Variants in WWOX observed in about 807,000 individuals in gnomAD.
The protein encoded by WWOX is WW domain-containing oxidoreductase.
A neutral mutation model predicts 46.2 loss-of-function variants in WWOX; 69 were observed. That is an observed-to-expected ratio of 1.49 (90% CI 1.23 to 1.82). The LOEUF (loss-of-function observed/expected upper bound fraction) is 1.82, where lower values mean the gene tolerates loss of function less well. Ranked by LOEUF, WWOX falls within the 40% of genes most tolerant of loss-of-function variation. The pLI is 0.00. For synonymous variants in WWOX, 359 were observed against 202.6 expected (o/e 1.77, Z -6.56); for missense variants, 919 against 542.6 (o/e 1.69, Z -6.89).
intron 8 of WWOX, among the ~76,000 whole-genome samples, chr16:79,009,656 G>C (rs190416964): frequency 6.6e-6 from 1 of 152,130 alleles, no homozygotes; most frequent in African/African-American, 2.4e-5. Flanking sequence ...TCCCCATGTT[G>C]GCCAGCCTTG....
rs1597209587 is a variant in WWOX at position 78,109,659 on chromosome 16, A to G, written c.173-119A>G. The G allele has an allele frequency of 1.7e-5, 16 of 951,874 alleles. No homozygotes were observed. The East Asian group carries it at 1.8e-4, about 11-fold the overall frequency. The allele number at this position is 951,874 out of a possible 1,614,324, so 59.0% of individuals were successfully genotyped here. A position where few individuals can be genotyped will look rare whatever the true frequency, so the allele number is the denominator to read the frequency against. On this transcript the variant is annotated intron_variant, in intron 2 of 8. Transcript: ENST00000566780. The stretch of plus-strand genomic sequence containing the variant: ...GTGACGAAAGCCAGTTGATGTGACA[A>G]CTGCTGGGTGGGAGGGACAGGCTTG...
chr16:78,621,622 T>TTTTTTTTTTG (rs2046188495), intron 8 of WWOX, among the ~76,000 whole-genome samples: 1 of 121,866 alleles, frequency 8.2e-6, no homozygotes, highest in Non-Finnish European at 1.7e-5. Context: ...TTTTTTTTTT[T>TTTTTTTTTTG]GAGACAGAGT....
chr16:78,254,308 C>T (rs1056514984), intron 5 of WWOX, among the ~76,000 whole-genome samples: 6 of 151,890 alleles, frequency 4.0e-5, no homozygotes, highest in Non-Finnish European at 8.8e-5. Flanking sequence ...TAGTCTCGAA[C>T]TCCTGGGCTC....
intron 1 of WWOX, among the ~76,000 whole-genome samples, chr16:78,100,413 C>A (rs750485123): frequency 3.9e-4 from 60 of 152,220 alleles, no homozygotes; most frequent in South Asian, 1.2e-3. Context: ...CTACTATGCC[C>A]GACTAATTTT....
intron 8 of WWOX, among the ~76,000 whole-genome samples, chr16:78,841,507 T>G (rs1189400431): frequency 1.3e-5 from 2 of 152,208 alleles, no homozygotes; most frequent in East Asian, 1.9e-4. Flanking sequence ...CTAATAAGGA[T>G]GATTGTTTTA....
At chr16:78,994,980 T>C (rs2046960566) in intron 8 of WWOX, among the ~76,000 whole-genome samples, 1 of 145,240 alleles carries the variant, frequency 6.9e-6, no homozygotes, top group East Asian at 2.0e-4. Flanking sequence ...TTTTTTTTTT[T>C]TTTTTTTTGT....
chr16:78,231,516 C>A (rs534671594), intron 5 of WWOX, among the ~76,000 whole-genome samples: 2 of 152,138 alleles, frequency 1.3e-5, no homozygotes, highest in African/African-American at 4.8e-5. Flanking sequence ...TGTAGCTTTG[C>A]CTTTCCTTAG....
chr16:78,401,931 C>T (rs932602178), intron 6 of WWOX, among the ~76,000 whole-genome samples: 2 of 152,062 alleles, frequency 1.3e-5, no homozygotes, highest in African/African-American at 2.4e-5. Context: ...AACTCCTGAC[C>T]TCTAGATCCG....
intron 8 of WWOX, among the ~76,000 whole-genome samples, chr16:78,654,172 C>G (rs2047028712): frequency 6.6e-6 from 1 of 152,196 alleles, no homozygotes; most frequent in Non-Finnish European, 1.5e-5. Context: ...AGTGTGAGTT[C>G]AAATTGCCTT....
chr16:79,151,428 G>T (rs1034890861), intron 8 of WWOX, among the ~76,000 whole-genome samples: 1 of 152,182 alleles, frequency 6.6e-6, no homozygotes, highest in African/African-American at 2.4e-5. Context: ...GGTTACCCTG[G>T]ACCAGACATT....
intron 5 of WWOX, among the ~76,000 whole-genome samples, chr16:78,277,428 C>T (rs1254802030): frequency 6.6e-6 from 1 of 152,102 alleles, no homozygotes; most frequent in African/African-American, 2.4e-5. Context: ...TCCTTCTGAC[C>T]TGTGCTCCGG....
intron 8 of WWOX, among the ~76,000 whole-genome samples, chr16:78,479,630 G>A (rs1318779107): frequency 1.3e-5 from 2 of 152,150 alleles, no homozygotes; most frequent in African/African-American, 4.8e-5. Context: ...TTGCCTCCAA[G>A]GAGGAAACTG....
intron 8 of WWOX, among the ~76,000 whole-genome samples, chr16:78,932,643 G>C (rs997050419): frequency 2.0e-5 from 3 of 152,242 alleles, no homozygotes; most frequent in African/African-American, 7.2e-5. Context: ...GAAGCCTGCA[G>C]CTGCGGCCTC....
At chr16:78,156,825 G>A (rs889312039) in intron 4 of WWOX, among the ~76,000 whole-genome samples, 1 of 152,188 alleles carries the variant, frequency 6.6e-6, no homozygotes, top group African/African-American at 2.4e-5. Flanking sequence ...TGGGGAGACT[G>A]AGACACGAGA....
chr16:78,798,085 G>A (rs1334747774), intron 8 of WWOX, among the ~76,000 whole-genome samples: 3 of 152,184 alleles, frequency 2.0e-5, no homozygotes, highest in African/African-American at 7.2e-5. Flanking sequence ...GGGAAGCTGA[G>A]GTTCAGAGAG....
intron 8 of WWOX, among the ~76,000 whole-genome samples, chr16:78,546,779 G>A (rs1046514629): frequency 2.6e-5 from 4 of 152,050 alleles, no homozygotes; most frequent in South Asian, 2.1e-4. Context: ...AGTTACTGAC[G>A]TGTGTTACCA....
At chr16:79,105,151 G>A (rs114396257) in intron 8 of WWOX, among the ~76,000 whole-genome samples, 3,658 of 152,250 alleles carry the variant, frequency 0.024, 164 homozygotes, top group African/African-American at 0.083. Flanking sequence ...AGAGCCTCTC[G>A]ATGAGCTATG....
At chr16:78,125,815 G>A (rs182940450) in intron 4 of WWOX, among the ~76,000 whole-genome samples, 1 of 152,274 alleles carries the variant, frequency 6.6e-6, no homozygotes, top group African/African-American at 2.4e-5. Context: ...CATTCATCAA[G>A]CGCCTGTATA....
At chr16:78,217,467 G>A (rs1024703138) in intron 5 of WWOX, among the ~76,000 whole-genome samples, 1 of 152,206 alleles carries the variant, frequency 6.6e-6, no homozygotes, top group Non-Finnish European at 1.5e-5. Flanking sequence ...ATCGTATGAA[G>A]TGGTGAACTG....
Sources: allele counts gnomAD v4.1 joint callset (sites outside exome capture counted in the v4.1 genomes callset), GRCh38; gene constraint gnomAD v4.1.1; transcripts MANE v1.5; gene names NCBI Gene and HGNC (gene_info 2026-07-23, HGNC 2026-07-21).